The following GDAP1L1 variants were observed in gnomAD, a reference collection of about 807,000 sequenced individuals.
GDAP1L1 encodes ganglioside induced differentiation associated protein 1 like 1, also known as ganglioside-induced differentiation-associated protein 1-like 1.
Under a neutral mutation model 37.1 loss-of-function variants are expected in GDAP1L1, and 21 were observed. The observed-to-expected ratio is 0.57, with a 90% CI of 0.40 to 0.81. The LOEUF (loss-of-function observed/expected upper bound fraction) is 0.81, where lower values mean the gene tolerates loss of function less well. Among genes scored for constraint, GDAP1L1 ranks in the 40% least tolerant of loss-of-function variants. The pLI, the probability that GDAP1L1 is intolerant of heterozygous loss-of-function variation, is 0.00. For missense variants in GDAP1L1, 362 were observed against 491.6 expected, an observed-to-expected ratio of 0.74 and a Z score of 2.49; for synonymous variants, 193 against 209.1, an observed-to-expected ratio of 0.92 and a Z score of 0.67.
chr20:44,269,714 G>A (rs757976848), intron 5 of GDAP1L1, among the ~76,000 whole-genome samples: 11 of 152,126 alleles, frequency 7.2e-5, no homozygotes, highest in South Asian at 2.1e-4. Flanking sequence ...GGTGAATCAC[G>A]AGGTCAGGAG....
chr20:44,247,201 C>T (rs945825161), upstream of GDAP1L1: 21 of 883,794 alleles, frequency 2.4e-5, no homozygotes, highest in Non-Finnish European at 3.5e-5. Context: ...CCCAACTGCC[C>T]GGTGAGTAAT....
intron 5 of GDAP1L1, among the ~76,000 whole-genome samples, chr20:44,275,564 C>G (rs1186562024): frequency 6.6e-6 from 1 of 152,058 alleles, no homozygotes; most frequent in East Asian, 1.9e-4. Flanking sequence ...AGACAAAGGC[C>G]CGGAGGCTGA....
At chr20:44,275,383 A>G (rs2062562335) in intron 5 of GDAP1L1, among the ~76,000 whole-genome samples, 1 of 152,218 alleles carries the variant, frequency 6.6e-6, no homozygotes, top group Non-Finnish European at 1.5e-5. Context: ...AAGAAGATGT[A>G]GAGCAGAAGG....
chr20:44,264,479 TGAA>T lies in GDAP1L1; in HGVS notation c.686_688del (p.Lys229del), dbSNP rs749853250. On this transcript the variant is annotated inframe_deletion, in exon 5 of 6. Coordinates refer to ENST00000342560, the MANE Select transcript of GDAP1L1 (RefSeq NM_024034.6). ...TTGGAGCATGATGATGTGAGCTACCTGAAGAAGATCCTCGGGGAACTGGCCATG... is the reference window on the plus strand; with the variant it reads ...TTGGAGCATGATGATGTGAGCTACCTGAAGATCCTCGGGGAACTGGCCATG... 4.5e-6 allele frequency: 7 copies of T among 1,541,290 alleles called. No individual in the cohort carries two copies. Among genetic ancestry groups the T allele is most frequent in the Admixed American group, 2.0e-5 (1 of 50,468 alleles).
In GDAP1L1 at chr20:44,253,546, C is replaced by A. The variant is rs190767118; in HGVS notation, c.181-3607C>A. 1.2e-4 allele frequency among the ~76,000 whole-genome samples: 18 copies of A among 152,292 alleles called. No homozygotes were observed. In the East Asian group the frequency reaches 3.5e-3, roughly 29 times the overall value. ...AGGGCCTGGGTGAGGAGAGGCAGTG[C>A]CTGACCCATGACAATGCGGCACTGT... is the stretch of plus-strand genomic sequence containing the variant. On this transcript the variant is annotated intron_variant, in intron 1 of 5. Transcript: ENST00000342560.
At chr20:44,261,101 A>T (rs2073666001) in intron 3 of GDAP1L1, among the ~76,000 whole-genome samples, 1 of 152,158 alleles carries the variant, frequency 6.6e-6, no homozygotes, top group African/African-American at 2.4e-5. Flanking sequence ...CTCTCTCCCC[A>T]TCTTTCTCTG....
At chr20:44,272,542 G>C (rs1373660553) in intron 5 of GDAP1L1, among the ~76,000 whole-genome samples, 2 of 152,198 alleles carry the variant, frequency 1.3e-5, no homozygotes, top group African/African-American at 2.4e-5. Flanking sequence ...TGACATTAAA[G>C]TGTAACCAGT....
chr20:44,256,093 T>A (rs2073536419), intron 1 of GDAP1L1, among the ~76,000 whole-genome samples: 1 of 152,184 alleles, frequency 6.6e-6, no homozygotes, highest in African/African-American at 2.4e-5. Flanking sequence ...CAGAGAGCAC[T>A]GGTTTGGGAG....
intron 1 of GDAP1L1, among the ~76,000 whole-genome samples, chr20:44,247,886 G>T (rs967006652): frequency 3.3e-5 from 5 of 152,216 alleles, no homozygotes; most frequent in African/African-American, 1.2e-4. Flanking sequence ...TGCTGCTGCG[G>T]GGAGGGAGAA....
intron 1 of GDAP1L1, among the ~76,000 whole-genome samples, chr20:44,251,541 G>A (rs2056322412): frequency 6.6e-6 from 1 of 152,194 alleles, no homozygotes; most frequent in Admixed American, 6.5e-5. Flanking sequence ...TCTTAGGGCT[G>A]ACCCTCCAAC....
chr20:44,261,758 G>A (rs901140784), intron 3 of GDAP1L1, among the ~76,000 whole-genome samples: 1 of 152,234 alleles, frequency 6.6e-6, no homozygotes, highest in African/African-American at 2.4e-5. Context: ...TTCCCTGGCA[G>A]AAGTCTGTAG....
At chr20:44,259,732 G>C (rs2073638584) in intron 3 of GDAP1L1, among the ~76,000 whole-genome samples, 1 of 152,054 alleles carries the variant, frequency 6.6e-6, no homozygotes, top group Admixed American at 6.6e-5. Flanking sequence ...CCTGACCTCA[G>C]GTGATCTGCC....
At chr20:44,276,563 G>C (rs116724627) in intron 5 of GDAP1L1, among the ~76,000 whole-genome samples, 1 of 152,140 alleles carries the variant, frequency 6.6e-6, no homozygotes, top group Non-Finnish European at 1.5e-5. Context: ...TATCCAGCTG[G>C]AATTTAATTG....
intron 1 of GDAP1L1, among the ~76,000 whole-genome samples, chr20:44,255,471 G>A (rs1018147513): frequency 6.7e-6 from 1 of 149,242 alleles, no homozygotes; most frequent in African/African-American, 2.5e-5. Flanking sequence ...GAACCCAGGA[G>A]GCGGAGGTTG....
chr20:44,263,068 A>T (rs577903187), intron 3 of GDAP1L1, among the ~76,000 whole-genome samples, 162 bp from the exon 4 acceptor site: 5 of 152,156 alleles, frequency 3.3e-5, no homozygotes, highest in Non-Finnish European at 7.4e-5. Flanking sequence ...CATCTCATCC[A>T]TCACTACGGC....
rs79900535 is a variant in GDAP1L1, at chr20:44,271,792, G to A, written c.761-7165G>A. Among the ~76,000 whole-genome samples the A allele has an allele frequency of 1.5e-3, 229 of 152,274 alleles. 4 individuals carry two copies. The East Asian group carries it at 0.043, about 29-fold the overall frequency. Reference sequence around the variant, plus strand: ...AGGCCACGAAGACAGGAGGGGCGTGGTTCAGGCAGGGGCCCCGTAGAAAAC... The same window carrying A: ...AGGCCACGAAGACAGGAGGGGCGTGATTCAGGCAGGGGCCCCGTAGAAAAC... On this transcript the variant is annotated intron_variant, in intron 5 of 5. Transcript: ENST00000342560.
At chr20:44,271,802 G>A (rs1375035637) in intron 5 of GDAP1L1, among the ~76,000 whole-genome samples, 3 of 152,128 alleles carry the variant, frequency 2.0e-5, no homozygotes, top group African/African-American at 7.2e-5. Flanking sequence ...GTTCAGGCAG[G>A]GGCCCCGTAG....
intron 5 of GDAP1L1, among the ~76,000 whole-genome samples, chr20:44,266,672 C>T (rs1160265587): frequency 6.6e-6 from 1 of 152,112 alleles, no homozygotes; most frequent in Non-Finnish European, 1.5e-5. Flanking sequence ...TGGCTGCCTT[C>T]TTGCCGTGTC....
intron 5 of GDAP1L1, chr20:44,265,417 T>C (rs773929375): frequency 2.6e-4 from 261 of 985,324 alleles, no homozygotes; most frequent in Non-Finnish European, 3.1e-4. Context: ...ATGAGTCTTG[T>C]CTCCTGAACA....
Sources: allele counts gnomAD v4.1 joint callset (sites outside exome capture counted in the v4.1 genomes callset), GRCh38; gene constraint gnomAD v4.1.1; transcripts MANE v1.5; gene names NCBI Gene and HGNC (gene_info 2026-07-23, HGNC 2026-07-21).